Variants in COL27A1 observed in about 807,000 individuals in gnomAD.
COL27A1 encodes collagen alpha-1(XXVII) chain.
Under a neutral mutation model 251.3 loss-of-function variants are expected in COL27A1, and 106 were observed. The observed-to-expected ratio is 0.42, with a 90% CI of 0.36 to 0.50. The LOEUF is 0.50. Ranked by LOEUF, COL27A1 falls within the 20% of genes least tolerant of loss-of-function variation. The pLI is 0.00. For missense variants in COL27A1, 2,325 were observed against 2,522.8 expected (o/e 0.92, Z 1.68); for synonymous variants, 1,000 against 986.3 (o/e 1.01, Z -0.26).
intron 57 of COL27A1, among the ~76,000 whole-genome samples, chr9:114,305,682 G>C (rs1588904095): frequency 6.6e-6 from 1 of 152,214 alleles, no homozygotes; most frequent in South Asian, 2.1e-4. Flanking sequence ...ACCGGGGAAA[G>C]AGAGTGTAGA....
intron 11 of COL27A1, among the ~76,000 whole-genome samples, chr9:114,210,076 T>C (rs1456902556): frequency 6.6e-6 from 1 of 152,148 alleles, no homozygotes; most frequent in Non-Finnish European, 1.5e-5. Flanking sequence ...GTTCTGAGGG[T>C]ATGCGGAGCC....
intron 21 of COL27A1, 49 bp from the exon 22 acceptor site, chr9:114,242,138 A>G (rs761712679): frequency 7.9e-6 from 12 of 1,511,152 alleles, no homozygotes; most frequent in South Asian, 7.6e-5. Flanking sequence ...TGCAAGTCCA[A>G]CTGGATTAAC....
chr9:114,167,901 G>A lies in COL27A1; in HGVS notation c.346G>A (p.Ala116Thr), dbSNP rs771010276. The change falls in exon 3 of 61, where the codon GCT becomes ACT. Residue 116 changes from alanine (A) to threonine (T), a missense_variant. Physicochemically the swap from Ala to Thr is moderately conservative, Grantham distance 58. Around this residue, in one of 4 missense-constraint regions of COL27A1, gnomAD observed 1,183 missense variants for 1,144.1 expected, o/e 1.03. Transcript: ENST00000356083. ...CCGGGTGAACCATGCCTTCCTCTTCGCTGTCCGCAGCCAGAAACGCAAGCT... is the reference window on the plus strand; with the variant it reads ...CCGGGTGAACCATGCCTTCCTCTTCACTGTCCGCAGCCAGAAACGCAAGCT... ...SHRVNHAFLF[A>T]VRSQKRKLQL... The A allele has an allele frequency of 8.1e-6, 13 of 1,612,608 alleles. No homozygotes were observed. In the East Asian group the frequency reaches 8.9e-5, roughly 11 times the overall value.
At chr9:114,288,805 A>AG (rs779585029) in intron 43 of COL27A1, 50 bp downstream of exon 43, 1 of 1,601,466 alleles carries the variant, frequency 6.2e-7, no homozygotes, top group Admixed American at 1.7e-5. Flanking sequence ...TGTCAGGGAG[A>AG]GGGGGGATGA....
At chr9:114,234,841 C>G (rs1013107977) in intron 16 of COL27A1, among the ~76,000 whole-genome samples, 2 of 150,074 alleles carry the variant, frequency 1.3e-5, no homozygotes, top group African/African-American at 4.9e-5. Flanking sequence ...ACGAGGCGGG[C>G]AGATCATCTG....
rs895361431 is a variant in COL27A1 at position 114,168,332 on chromosome 9, C to A, written c.777C>A (p.Thr259=). ...LFSQDSGRPF[T]FQSDLALLGL... is the part of the protein sequence containing the mutation. ...CCCAAGACTCTGGCAGACCTTTTACCTTCCAGTCCGACCTCGCCCTGCTAG... is the reference window on the plus strand; with the variant it reads ...CCCAAGACTCTGGCAGACCTTTTACATTCCAGTCCGACCTCGCCCTGCTAG... The change falls in exon 3 of 61, where the codon ACC becomes ACA. Residue 259 remains threonine, a synonymous_variant. Coordinates refer to ENST00000356083, the MANE Select transcript of COL27A1 (RefSeq NM_032888.4). 3 of 1,613,174 alleles carry A rather than the reference C, an allele frequency of 1.9e-6. No individual in the cohort carries two copies. Among genetic ancestry groups the A allele is most frequent in the Non-Finnish European group, 1.7e-6 (2 of 1,180,034 alleles).
intron 27 of COL27A1, among the ~76,000 whole-genome samples, chr9:114,257,332 T>G (rs79422448): frequency 0.018 from 2,683 of 150,294 alleles, 80 homozygotes; most frequent in African/African-American, 0.062. Flanking sequence ...AAGTTGCTGC[T>G]TGAGGTCTCT....
intron 13 of COL27A1, 123 bp downstream of exon 13, chr9:114,219,967 C>T: frequency 1.3e-6 from 1 of 747,808 alleles, no homozygotes; most frequent in East Asian, 2.5e-5. Context: ...GAAGTACCAG[C>T]TGGGCACCCT....
In COL27A1 at chr9:114,311,548, G is replaced by GAAAAAAAAAAAAAAAAAAGAA. The variant is rs56094843; in HGVS notation, c.*870_*871insAGAAAAAAAAAAAAAAAAAAA. On this transcript the variant is annotated 3_prime_UTR_variant, in exon 61 of 61. Transcript: ENST00000356083. ...AGGAGGAAAAAAGAAAAGAAAAAAG[G>GAAAAAAAAAAAAAAAAAAGAA]AAAAAAAAAAAAAAAAAGCAAAACA... is the stretch of plus-strand genomic sequence containing the variant. The GAAAAAAAAAAAAAAAAAAGAA allele has an allele frequency of 1.9e-4, 18 of 96,074 alleles. No homozygotes were observed. Among genetic ancestry groups the GAAAAAAAAAAAAAAAAAAGAA allele is most frequent in the Admixed American group, 4.3e-4 (4 of 9,336 alleles). The allele number at this position is 96,074 out of a possible 1,614,324, so 6.0% of individuals were successfully genotyped here.
At chr9:114,240,581 G>C in intron 21 of COL27A1, 94 bp downstream of exon 21, 1 of 1,241,550 alleles carries the variant, frequency 8.1e-7, no homozygotes, top group Non-Finnish European at 1.1e-6. Flanking sequence ...AGCTTGGGCT[G>C]GAGCCCCCTC....
At position 114,306,604 on chromosome 9, in the gene COL27A1, A is replaced by G. The variant is rs1564593970; in HGVS notation, c.5023A>G (p.Ser1675Gly). ...ACACTACCTCAGCAACCTCATCCAGAGCATTAAGACGCCCCTGGGCACCAA... is the reference window on the plus strand; with the variant it reads ...ACACTACCTCAGCAACCTCATCCAGGGCATTAAGACGCCCCTGGGCACCAA... The part of the protein sequence containing the change: ...TLHYLSNLIQ[S>G]IKTPLGTKEN... Residue 1675 changes from serine to glycine, a missense_variant, in exon 58 of 61, where the codon AGC becomes GGC. Physicochemically the swap from Ser to Gly is moderately conservative, Grantham distance 56 (BLOSUM62 0). Around this residue, in one of 4 missense-constraint regions of COL27A1, gnomAD observed 327 missense variants for 442.8 expected, o/e 0.74. Transcript: ENST00000356083. 6.2e-7 allele frequency: 1 copy of G among 1,614,028 alleles called. No homozygotes were observed. Among genetic ancestry groups the G allele is most frequent in the Non-Finnish European group, 8.5e-7 (1 of 1,180,010 alleles).
At chr9:114,235,452 G>A (rs1170173623) in intron 16 of COL27A1, 147 bp from the exon 17 acceptor site, 5 of 739,398 alleles carry the variant, frequency 6.8e-6, no homozygotes, top group East Asian at 2.5e-5. Flanking sequence ...CCAGGGGCCC[G>A]TCCTTTCCTC....
chr9:114,174,474 A>G (rs1354832588), intron 3 of COL27A1, among the ~76,000 whole-genome samples: 1 of 152,160 alleles, frequency 6.6e-6, no homozygotes, highest in Non-Finnish European at 1.5e-5. Flanking sequence ...AGCACAGCAG[A>G]GAGGGCACAG....
In COL27A1 at chr9:114,169,128, A is replaced by G. The variant is rs1338135015; in HGVS notation, c.1573A>G (p.Thr525Ala). Reference sequence around the variant, plus strand: ...TCCCAGAACAGCACCTGCCGTCCCCACTCCTGGCTCAGCTCCCACTGGAAG... The same window carrying G: ...TCCCAGAACAGCACCTGCCGTCCCCGCTCCTGGCTCAGCTCCCACTGGAAG... ...STPRTAPAVP[T>A]PGSAPTGSKK... The change falls in exon 3 of 61, where the codon ACT (threonine) becomes GCT (alanine). Residue 525 changes from threonine to alanine, a missense_variant. Physicochemically the swap from Thr to Ala is moderately conservative, Grantham distance 58. This residue lies in a region of COL27A1 where 1,183 missense variants were observed against 1,144.1 expected (regional missense o/e 1.03). Coordinates refer to ENST00000356083, the MANE Select transcript of COL27A1 (RefSeq NM_032888.4). The G allele has an allele frequency of 3.1e-6, 5 of 1,613,518 alleles. No individual in the cohort carries two copies. The African/African-American group carries it at 5.4e-5, about 17-fold the overall frequency.
rs573710152 is a variant in COL27A1 at position 114,201,494 on chromosome 9, A to G, written c.2125-3608A>G. The stretch of plus-strand genomic sequence containing the variant: ...TATGCTCGCTCTTCTGCTCCTGGCC[A>G]TCCAGGAGAAACTGGGGTGTTCACG... On this transcript the variant is annotated intron_variant, in intron 7 of 60. Transcript: ENST00000356083. Among the ~76,000 whole-genome samples, 32 of 152,176 alleles carry G rather than the reference A, an allele frequency of 2.1e-4. 1 individual carries two copies. In the South Asian group the frequency reaches 6.7e-3, roughly 32 times the overall value.
upstream of COL27A1, among the ~76,000 whole-genome samples, chr9:114,155,171 C>T (rs1302367321): frequency 6.6e-6 from 1 of 152,108 alleles, no homozygotes; most frequent in Non-Finnish European, 1.5e-5. This position sits in a 1 kb window ranked among gnomAD's most constrained non-coding sequence, Gnocchi z 5.5. Context: ...CTGGTCCTAG[C>T]TCCGTCCCTG....
intron 24 of COL27A1, among the ~76,000 whole-genome samples, chr9:114,247,396 T>G (rs926287393): frequency 6.6e-6 from 1 of 152,264 alleles, no homozygotes; most frequent in Non-Finnish European, 1.5e-5. Context: ...TAGAGGTTCA[T>G]GAAAATGAAA....
chr9:114,214,296 T>C (rs1426643246), intron 12 of COL27A1, among the ~76,000 whole-genome samples: 1 of 152,192 alleles, frequency 6.6e-6, no homozygotes, highest in Admixed American at 6.5e-5. Context: ...TAGGCACTTA[T>C]TAAGAAAAGG....
rs374473421 is a variant in COL27A1, at chr9:114,310,512, G to A, written c.5437-37G>A. 1.6e-4 allele frequency: 252 copies of A among 1,611,410 alleles called. 4 individuals are homozygous for A. The South Asian group carries it at 2.4e-3, about 15-fold the overall frequency. On this transcript the variant is annotated intron_variant, in intron 60 of 60. Transcript: ENST00000356083. ...GCTCATGATGTATGATAAGAATCAC[G>A]ATGGATGTACGTGTGCACTTTTCCT...
Sources: gnomAD v4.1 joint callset for allele counts (sites outside exome capture counted in the v4.1 genomes callset) on GRCh38, gnomAD v4.1.1 for gene constraint, gnomAD v4.1.1 regional missense constraint, Gnocchi (gnomAD v3.1) non-coding constraint, MANE v1.5 for transcripts, NCBI Gene and HGNC (gene_info 2026-07-23, HGNC 2026-07-21) for gene names.